The following DDR2 variants were observed in gnomAD, a reference collection of about 807,000 sequenced individuals.
The protein encoded by DDR2 is discoidin domain receptor tyrosine kinase 2.
Under a neutral mutation model 94.9 loss-of-function variants are expected in DDR2, and 27 were observed. The ratio of observed to expected loss-of-function variants is 0.28; its 90% CI spans 0.21 to 0.39. The LOEUF (loss-of-function observed/expected upper bound fraction) is 0.39, where lower values mean the gene tolerates loss of function less well. Among genes scored for constraint, DDR2 ranks in the 10% least tolerant of loss-of-function variants. The probability of loss-of-function intolerance (pLI) is 1.00; values close to 1 mark genes in which losing one functional copy is unlikely to be tolerated. For missense variants in DDR2, 783 were observed against 1,076.0 expected, an observed-to-expected ratio of 0.73 and a Z score of 3.81; for synonymous variants, 382 against 377.2, an observed-to-expected ratio of 1.01 and a Z score of -0.15.
chr1:162,647,522 A>G, intron 1 of DDR2, among the ~76,000 whole-genome samples: 1 of 152,246 alleles, frequency 6.6e-6, no homozygotes, highest in Non-Finnish European at 1.5e-5. Flanking sequence ...TGGCTACTCC[A>G]TAGGCAGAGC....
chr1:162,666,125 G>A (rs1025408077), intron 2 of DDR2, among the ~76,000 whole-genome samples: 1 of 152,192 alleles, frequency 6.6e-6, no homozygotes, highest in Admixed American at 6.5e-5. Context: ...AAAGGGCACT[G>A]TTAGAAGGAG....
At chr1:162,746,278 C>A (rs149017295) in intron 3 of DDR2, among the ~76,000 whole-genome samples, 2 of 152,166 alleles carry the variant, frequency 1.3e-5, no homozygotes, top group African/African-American at 2.4e-5. Context: ...CCTAATACTG[C>A]GCTTTTCCAA....
At chr1:162,773,913 G>C (rs925171084) in intron 14 of DDR2, among the ~76,000 whole-genome samples, 2 of 149,056 alleles carry the variant, frequency 1.3e-5, no homozygotes, top group Admixed American at 1.3e-4. Context: ...TTTATACACA[G>C]ACATACTCCT....
At chr1:162,713,932 T>G (rs970641296) in intron 2 of DDR2, among the ~76,000 whole-genome samples, 2 of 152,096 alleles carry the variant, frequency 1.3e-5, no homozygotes, top group Admixed American at 6.6e-5. Flanking sequence ...AGCAGCAGAG[T>G]ATGAGAGTAT....
chr1:162,747,458 T>A (rs1439109453), intron 3 of DDR2, among the ~76,000 whole-genome samples: 4 of 150,594 alleles, frequency 2.7e-5, no homozygotes, highest in Admixed American at 1.3e-4. Flanking sequence ...GAAAAAAGAG[T>A]AAAAAAAAAT....
chr1:162,764,647 C>T (rs1002094513), intron 9 of DDR2, among the ~76,000 whole-genome samples: 2 of 151,634 alleles, frequency 1.3e-5, no homozygotes, highest in Admixed American at 6.6e-5. Flanking sequence ...GGCAACATGG[C>T]GAAATCCTGT....
At chr1:162,720,848 C>T (rs1189671345) in intron 3 of DDR2, among the ~76,000 whole-genome samples, 2 of 152,148 alleles carry the variant, frequency 1.3e-5, no homozygotes, top group Non-Finnish European at 2.9e-5. Context: ...CATAAGGGTA[C>T]ATTTGTGAAA....
At chr1:162,692,532 A>G (rs1288697690) in intron 2 of DDR2, among the ~76,000 whole-genome samples, 2 of 152,210 alleles carry the variant, frequency 1.3e-5, no homozygotes, top group Admixed American at 6.5e-5. Flanking sequence ...GGATATCCAA[A>G]TGACATGAAA....
intron 3 of DDR2, among the ~76,000 whole-genome samples, chr1:162,735,733 A>G (rs1228331261): frequency 6.6e-6 from 1 of 152,248 alleles, no homozygotes; most frequent in Non-Finnish European, 1.5e-5. Flanking sequence ...GACACAAAAT[A>G]TAAAGGGTTT....
intron 2 of DDR2, among the ~76,000 whole-genome samples, chr1:162,662,678 G>T (rs961935505): frequency 6.6e-6 from 1 of 152,116 alleles, no homozygotes; most frequent in Non-Finnish European, 1.5e-5. Context: ...TCTGTAAAAT[G>T]AAGGTGATAA....
intron 3 of DDR2, among the ~76,000 whole-genome samples, chr1:162,723,193 T>A (rs1052425809): frequency 6.6e-6 from 1 of 152,126 alleles, no homozygotes; most frequent in African/African-American, 2.4e-5. Context: ...CATTTCAGGC[T>A]GAAGATATAG....
intron 17 of DDR2, among the ~76,000 whole-genome samples, chr1:162,779,885 C>T (rs1647800120): frequency 6.6e-6 from 1 of 152,140 alleles, no homozygotes; most frequent in South Asian, 2.1e-4. Context: ...AAAAATTCTG[C>T]TGCAGACAAC....
At chr1:162,777,165 C>T (rs1647612263) in intron 16 of DDR2, among the ~76,000 whole-genome samples, 1 of 152,126 alleles carries the variant, frequency 6.6e-6, no homozygotes, top group South Asian at 2.1e-4. Flanking sequence ...CCCTTGCACT[C>T]ACCAGGATAA....
At chr1:162,771,974 T>C (rs1330665068) in intron 12 of DDR2, 50 bp from the exon 13 acceptor site, 1 of 1,547,366 alleles carries the variant, frequency 6.5e-7, no homozygotes, top group South Asian at 1.2e-5. Flanking sequence ...CCTGAAGAGA[T>C]CTCCAAAGAC....
At chr1:162,755,891 C>T in intron 7 of DDR2, 122 bp downstream of exon 7, 1 of 879,170 alleles carries the variant, frequency 1.1e-6, no homozygotes, top group Non-Finnish European at 1.8e-6. Flanking sequence ...TTGTACAAGG[C>T]ATTTGGAAAT....
At chr1:162,768,269 G>A (rs1451653962) in intron 11 of DDR2, among the ~76,000 whole-genome samples, 2 of 152,172 alleles carry the variant, frequency 1.3e-5, no homozygotes, top group Non-Finnish European at 2.9e-5. Context: ...GGACCAAATA[G>A]CAACTCACTG....
chr1:162,663,375 A>T (rs965275880), intron 2 of DDR2, among the ~76,000 whole-genome samples: 6 of 152,180 alleles, frequency 3.9e-5, no homozygotes, highest in Admixed American at 3.9e-4. Flanking sequence ...GCTACCCCTT[A>T]AAAAACCTAT....
intron 3 of DDR2, among the ~76,000 whole-genome samples, chr1:162,728,303 A>T (rs984908792): frequency 6.6e-6 from 1 of 151,452 alleles, no homozygotes; most frequent in Non-Finnish European, 1.5e-5. Flanking sequence ...ATCAGGTCAA[A>T]TCTCCAATGT....
intron 2 of DDR2, among the ~76,000 whole-genome samples, chr1:162,683,348 G>T (rs1001259030): frequency 6.6e-6 from 1 of 151,976 alleles, no homozygotes; most frequent in South Asian, 2.1e-4. Flanking sequence ...AGAAATTAAA[G>T]GCATACAGAT....
Sources: gnomAD v4.1 joint callset for allele counts (sites outside exome capture counted in the v4.1 genomes callset) on GRCh38, gnomAD v4.1.1 for gene constraint, MANE v1.5 for transcripts, NCBI Gene and HGNC (gene_info 2026-07-23, HGNC 2026-07-21) for gene names.